CPQ: variants seen among roughly 807,000 people sequenced by gnomAD.
CPQ encodes Ser-Met dipeptidase.
Under a neutral mutation model 45.7 loss-of-function variants are expected in CPQ, and 37 were observed. The observed-to-expected ratio is 0.81, with a 90% CI of 0.62 to 1.07. CPQ has a LOEUF of 1.07. Among genes scored for constraint, CPQ ranks in the 50% least tolerant of loss-of-function variants. The pLI is 0.00. For synonymous variants in CPQ, 186 were observed against 205.8 expected (o/e 0.90, Z 0.82); for missense variants, 537 against 572.9 (o/e 0.94, Z 0.64).
chr8:97,109,445 G>T (rs142165849), intron 7 of CPQ, among the ~76,000 whole-genome samples: 5 of 152,128 alleles, frequency 3.3e-5, no homozygotes, highest in Non-Finnish European at 7.4e-5. Context: ...GTCTGTCAGG[G>T]GTTCTCATTC....
intron 1 of CPQ, among the ~76,000 whole-genome samples, chr8:96,739,240 T>C (rs1176082298): frequency 6.7e-6 from 1 of 150,130 alleles, no homozygotes; most frequent in Non-Finnish European, 1.5e-5. Context: ...CATGTGTTTT[T>C]TGGCTGCATA....
At chr8:96,653,093 C>G (rs551593599) in intron 1 of CPQ, among the ~76,000 whole-genome samples, 1 of 152,248 alleles carries the variant, frequency 6.6e-6, no homozygotes, top group East Asian at 1.9e-4. Context: ...CTGGGCCTGG[C>G]TAATTTTTGT....
rs570510302 is a variant in CPQ at position 96,674,272 on chromosome 8, C to A, written c.-35+28870C>A. ...TGCGTGTATTTCCTGAACCTTTTTT[C>A]CCCCTGTCCTTAATGATGTTGTGGT... is the stretch of plus-strand genomic sequence containing the variant. On this transcript the variant is annotated intron_variant, in intron 1 of 7. Coordinates refer to ENST00000220763, the MANE Select transcript of CPQ (RefSeq NM_016134.4). Among the ~76,000 whole-genome samples the A allele has an allele frequency of 2.6e-5, 4 of 152,198 alleles. No homozygotes were observed. The South Asian group carries it at 8.3e-4, about 32-fold the overall frequency.
intron 4 of CPQ, among the ~76,000 whole-genome samples, chr8:96,910,244 A>G (rs1463943644): frequency 6.6e-6 from 1 of 152,142 alleles, no homozygotes; most frequent in African/African-American, 2.4e-5. Flanking sequence ...TGCCTTGCCC[A>G]ATATGATACA....
chr8:97,058,316 G>GCGGT (rs1299748698), intron 6 of CPQ, among the ~76,000 whole-genome samples: 5 of 152,054 alleles, frequency 3.3e-5, no homozygotes, highest in African/African-American at 1.2e-4. Context: ...GATGAACTTA[G>GCGGT]CGGTCCATTA....
At chr8:96,866,360 C>T (rs1251432954) in intron 3 of CPQ, among the ~76,000 whole-genome samples, 1 of 151,584 alleles carries the variant, frequency 6.6e-6, no homozygotes, top group Non-Finnish European at 1.5e-5. Context: ...AGTTTTAAGA[C>T]ATTATACCGG....
At chr8:96,943,200 T>C (rs1208762844) in intron 4 of CPQ, among the ~76,000 whole-genome samples, 7 of 152,144 alleles carry the variant, frequency 4.6e-5, no homozygotes, top group Non-Finnish European at 1.0e-4. Context: ...AGAATTTTAA[T>C]TAGAAAAGCT....
intron 5 of CPQ, among the ~76,000 whole-genome samples, chr8:97,022,479 A>G (rs1809705685): frequency 6.6e-6 from 1 of 152,146 alleles, no homozygotes; most frequent in Non-Finnish European, 1.5e-5. Context: ...CACAATCTAT[A>G]CATCTGACAA....
At chr8:97,128,373 T>C (rs1045342990) in intron 7 of CPQ, among the ~76,000 whole-genome samples, 2 of 152,202 alleles carry the variant, frequency 1.3e-5, no homozygotes, top group Non-Finnish European at 2.9e-5. Flanking sequence ...GGTGCAACTG[T>C]CATAGTCCTT....
rs186077858 is a variant in CPQ at position 96,886,959 on chromosome 8, G to T, written c.849+6954G>T. ...TGAAGGAGTTTCACCTGGGAAAGTCGCCTGTGCTTGATCCATTGATTTTAT... is the reference window on the plus strand; with the variant it reads ...TGAAGGAGTTTCACCTGGGAAAGTCTCCTGTGCTTGATCCATTGATTTTAT... On this transcript the variant is annotated intron_variant, in intron 4 of 7. Coordinates refer to ENST00000220763, the MANE Select transcript of CPQ (RefSeq NM_016134.4). Among the ~76,000 whole-genome samples the T allele has an allele frequency of 3.9e-5, 6 of 152,106 alleles. No individual in the cohort carries two copies. The East Asian group carries it at 1.2e-3, about 29-fold the overall frequency.
intron 2 of CPQ, among the ~76,000 whole-genome samples, chr8:96,806,982 C>T (rs528831084): frequency 6.6e-6 from 1 of 151,980 alleles, no homozygotes; most frequent in Admixed American, 6.6e-5. Context: ...TATGTACCCA[C>T]AAAAATTAAA....
intron 4 of CPQ, among the ~76,000 whole-genome samples, chr8:96,922,492 C>A (rs1812822371): frequency 6.6e-6 from 1 of 152,202 alleles, no homozygotes; most frequent in African/African-American, 2.4e-5. Flanking sequence ...GAACAGACTG[C>A]TGTGAATTCC....
intron 7 of CPQ, among the ~76,000 whole-genome samples, chr8:97,089,914 A>G (rs918036992): frequency 2.0e-4 from 31 of 152,066 alleles, no homozygotes. Flanking sequence ...GAGACTCAGA[A>G]TTTTCATTTT....
chr8:96,910,833 T>A (rs1812650435), intron 4 of CPQ, among the ~76,000 whole-genome samples: 1 of 152,088 alleles, frequency 6.6e-6, no homozygotes, highest in South Asian at 2.1e-4. Flanking sequence ...ATCCTTCCTC[T>A]TATTTTAAGT....
At chr8:96,693,305 G>A (rs1030942062) in intron 1 of CPQ, among the ~76,000 whole-genome samples, 1 of 151,662 alleles carries the variant, frequency 6.6e-6, no homozygotes, top group African/African-American at 2.4e-5. Context: ...TTCATTGAAA[G>A]AGATAATAAC....
chr8:96,924,897 A>G (rs1812853071), intron 4 of CPQ, among the ~76,000 whole-genome samples: 1 of 152,202 alleles, frequency 6.6e-6, no homozygotes, highest in Non-Finnish European at 1.5e-5. Context: ...AATTTAATTG[A>G]CTTTTTAACT....
intron 7 of CPQ, among the ~76,000 whole-genome samples, chr8:97,096,255 T>C (rs989187199): frequency 6.6e-6 from 1 of 152,166 alleles, no homozygotes; most frequent in Non-Finnish European, 1.5e-5. Flanking sequence ...TTTAAGCACA[T>C]AGAGTAGTAT....
chr8:96,712,720 A>AT (rs568315534), intron 1 of CPQ, among the ~76,000 whole-genome samples: 39 of 152,124 alleles, frequency 2.6e-4, no homozygotes, highest in African/African-American at 8.0e-4. Context: ...CCACAGAATC[A>AT]TTTTTCCCTC....
At chr8:96,854,258 G>A (rs11777994) in intron 3 of CPQ, among the ~76,000 whole-genome samples, 6 of 152,000 alleles carry the variant, frequency 3.9e-5, no homozygotes, top group East Asian at 1.9e-4. Context: ...TGGGCCGGGC[G>A]CGGTGGCTCA....
Sources: gnomAD v4.1 joint callset for allele counts (sites outside exome capture counted in the v4.1 genomes callset) on GRCh38, gnomAD v4.1.1 for gene constraint, MANE v1.5 for transcripts, NCBI Gene and HGNC (gene_info 2026-07-23, HGNC 2026-07-21) for gene names.